MGAT5: variants seen among roughly 807,000 people sequenced by gnomAD.
The protein encoded by MGAT5 is alpha-1,6-mannosylglycoprotein 6-beta-N-acetylglucosaminyltransferase, also known as alpha-1,6-mannosylglycoprotein 6-beta-N-acetylglucosaminyltransferase A.
A neutral mutation model predicts 94.3 loss-of-function variants in MGAT5; 30 were observed. That is an observed-to-expected ratio of 0.32 (90% CI 0.24 to 0.43). MGAT5 has a LOEUF of 0.43. Among genes scored for constraint, MGAT5 ranks in the 20% least tolerant of loss-of-function variants. MGAT5 has a pLI of 1.00. For missense variants in MGAT5, 691 were observed against 905.5 expected (o/e 0.76, Z 3.04); for synonymous variants, 310 against 322.9 (o/e 0.96, Z 0.43).
chr2:134,209,096 G>A (rs1287150674), intron 1 of MGAT5, among the ~76,000 whole-genome samples: 1 of 149,588 alleles, frequency 6.7e-6, no homozygotes, highest in Non-Finnish European at 1.5e-5. Context: ...ATTTACCGGG[G>A]ATGAGGAGGT....
chr2:134,270,034 G>A (rs1683934418), intron 1 of MGAT5, among the ~76,000 whole-genome samples: 1 of 152,238 alleles, frequency 6.6e-6, no homozygotes, highest in Admixed American at 6.5e-5. Flanking sequence ...CTGCACCCTT[G>A]GGGTGTCAAG....
chr2:134,441,623 T>C, intron 14 of MGAT5, 135 bp from the exon 15 acceptor site: 1 of 1,041,038 alleles, frequency 9.6e-7, no homozygotes, highest in African/African-American at 1.6e-5. Context: ...ATCCAGCCCA[T>C]CCATGTGGCT....
chr2:134,175,933 T>C (rs1282373212), intron 1 of MGAT5, among the ~76,000 whole-genome samples: 1 of 152,232 alleles, frequency 6.6e-6, no homozygotes, highest in Non-Finnish European at 1.5e-5. Context: ...TTCTTTCTTT[T>C]AACTGGCTAT....
intron 4 of MGAT5, among the ~76,000 whole-genome samples, chr2:134,321,282 C>CA (rs34196382): frequency 0.14 from 20,873 of 152,104 alleles, 1,704 homozygotes; most frequent in South Asian, 0.25. Context: ...AGAATTTAGC[C>CA]AGAGTCTGAC....
chr2:134,315,343 G>GC lies in MGAT5; in HGVS notation c.407-2185dup, dbSNP rs1295162259. On this transcript the variant is annotated intron_variant, in intron 2 of 15. Coordinates refer to ENST00000281923, the MANE Select transcript of MGAT5 (RefSeq NM_002410.5). ...TGCCTAATTTTGTGGAACCTCTGCTGCTGCTCATTTGCTTGGCCAAAACCC... is the reference window on the plus strand; with the variant it reads ...TGCCTAATTTTGTGGAACCTCTGCTGCCTGCTCATTTGCTTGGCCAAAACCC... Among the ~76,000 whole-genome samples the GC allele has an allele frequency of 2.6e-5, 4 of 152,154 alleles. No homozygotes were observed. The East Asian group carries it at 7.7e-4, about 29-fold the overall frequency.
intron 10 of MGAT5, among the ~76,000 whole-genome samples, chr2:134,395,690 A>G (rs567663858): frequency 1.3e-5 from 2 of 152,342 alleles, no homozygotes; most frequent in South Asian, 4.1e-4. Flanking sequence ...ATCAAGTTGC[A>G]AATACAGGAC....
At chr2:134,265,707 T>C (rs1683670093) in intron 1 of MGAT5, among the ~76,000 whole-genome samples, 1 of 152,242 alleles carries the variant, frequency 6.6e-6, no homozygotes, top group Admixed American at 6.5e-5. Context: ...AGCTCATTAG[T>C]AATTGAAAAT....
At chr2:134,426,214 C>CTTCCTTCCTTCCTTCA (rs369281499) in intron 13 of MGAT5, among the ~76,000 whole-genome samples, 13,347 of 151,880 alleles carry the variant, frequency 0.088, 622 homozygotes, top group Middle Eastern at 0.12. Flanking sequence ...GACTTCCTTC[C>CTTCCTTCCTTCCTTCA]TTCCTTCCTT....
chr2:134,177,963 T>C (rs931224366), intron 1 of MGAT5, among the ~76,000 whole-genome samples: 1 of 152,246 alleles, frequency 6.6e-6, no homozygotes, highest in African/African-American at 2.4e-5. Context: ...TAGCCCATGA[T>C]GAAATGTGGC....
intron 1 of MGAT5, among the ~76,000 whole-genome samples, chr2:134,128,654 G>A (rs907706756): frequency 1.3e-5 from 2 of 152,048 alleles, no homozygotes; most frequent in South Asian, 2.1e-4. Context: ...CAACTCCTGG[G>A]CTGAAGTGAT....
In MGAT5 at chr2:134,130,622, A is replaced by G. The variant is rs1462915595; in HGVS notation, c.-143+10331A>G. Among the ~76,000 whole-genome samples, 6 of 151,434 alleles carry G rather than the reference A, an allele frequency of 4.0e-5. 1 individual carries two copies. The highest frequency in any genetic ancestry group is 2.9e-5 in the Non-Finnish European group (2 of 67,910). On this transcript the variant is annotated intron_variant, in intron 1 of 16. Transcript: ENST00000409645. ...TCTGGTGGGGACTTGGAGAACTTTT[A>G]TGTCTAGCTAGAGGGTTGTAAATGC...
chr2:134,333,483 T>A (rs1416356702), intron 4 of MGAT5, among the ~76,000 whole-genome samples: 1 of 151,034 alleles, frequency 6.6e-6, no homozygotes, highest in African/African-American at 2.4e-5. Context: ...TATCTAATGC[T>A]AAATGATGAG....
At chr2:134,148,702 T>C (rs184661340) in intron 1 of MGAT5, among the ~76,000 whole-genome samples, 2,614 of 152,122 alleles carry the variant, frequency 0.017, 85 homozygotes, top group African/African-American at 0.06. Context: ...TTCACTTCTA[T>C]CGTAGAGAAC....
chr2:134,262,955 C>T (rs1014734832), intron 1 of MGAT5, among the ~76,000 whole-genome samples: 3 of 152,158 alleles, frequency 2.0e-5, no homozygotes, highest in African/African-American at 7.2e-5. Flanking sequence ...GTTGTCATTG[C>T]CCTGTTCAAA....
intron 1 of MGAT5, chr2:134,120,360 G>C (rs1307137442): frequency 1.0e-5 from 4 of 383,660 alleles, no homozygotes; most frequent in Non-Finnish European, 1.8e-5. Flanking sequence ...GATGCGCGCA[G>C]AGGGGACCGC....
chr2:134,418,863 C>T (rs992948965), intron 12 of MGAT5, among the ~76,000 whole-genome samples: 4 of 152,190 alleles, frequency 2.6e-5, no homozygotes, highest in Admixed American at 6.5e-5. Context: ...CCTCCAGCAA[C>T]ATCAGACAGC....
At chr2:134,192,111 C>T (rs1313743939) in intron 1 of MGAT5, among the ~76,000 whole-genome samples, 2 of 150,012 alleles carry the variant, frequency 1.3e-5, no homozygotes, top group East Asian at 2.0e-4. Flanking sequence ...GCGCTCCTCG[C>T]GCGAGCGGGT....
At chr2:134,351,714 T>C (rs1679393520) in intron 9 of MGAT5, among the ~76,000 whole-genome samples, 1 of 152,056 alleles carries the variant, frequency 6.6e-6, no homozygotes, top group Non-Finnish European at 1.5e-5. Flanking sequence ...TCAGGGAAAA[T>C]TGATATGCTT....
At chr2:134,401,964 C>T (rs1357840974) in intron 10 of MGAT5, among the ~76,000 whole-genome samples, 2 of 152,206 alleles carry the variant, frequency 1.3e-5, no homozygotes, top group East Asian at 1.9e-4. Flanking sequence ...GGCTTCCCTG[C>T]ACTCTGTGGC....
Sources: allele counts gnomAD v4.1 joint callset (sites outside exome capture counted in the v4.1 genomes callset), GRCh38; gene constraint gnomAD v4.1.1; transcripts MANE v1.5; gene names NCBI Gene and HGNC (gene_info 2026-07-23, HGNC 2026-07-21).